The following CNTN5 variants were observed in gnomAD, a reference collection of about 807,000 sequenced individuals.
CNTN5 encodes the protein contactin 5.
A neutral mutation model predicts 129.1 loss-of-function variants in CNTN5; 77 were observed. That is an observed-to-expected ratio of 0.60 (90% CI 0.50 to 0.72). The LOEUF is 0.72. Among genes scored for constraint, CNTN5 ranks in the 30% least tolerant of loss-of-function variants. The probability of loss-of-function intolerance (pLI) is 0.00; values close to 1 mark genes in which losing one functional copy is unlikely to be tolerated. For missense variants in CNTN5, 1,478 were observed against 1,328.8 expected (o/e 1.11, Z -1.75); for synonymous variants, 509 against 465.6 (o/e 1.09, Z -1.20).
intron 7 of CNTN5, among the ~76,000 whole-genome samples, chr11:99,930,156 G>A (rs962075578): frequency 3.9e-5 from 6 of 152,110 alleles, no homozygotes; most frequent in Admixed American, 6.5e-5. Context: ...GGTTATCTGC[G>A]TGCTCTCTTA....
chr11:99,388,062 A>G lies in CNTN5; in HGVS notation c.-71+62578A>G, dbSNP rs141505285. Among the ~76,000 whole-genome samples the G allele has an allele frequency of 2.1e-3, 319 of 152,228 alleles. 5 individuals are homozygous for G. Among genetic ancestry groups the G allele is most frequent in the African/African-American group, 7.1e-3 (294 of 41,544 alleles). ...TTCTCCTACATATATTTGTCTAAATATTATAGCACTCTGCAGAGAAACTTT... is the reference window on the plus strand; with the variant it reads ...TTCTCCTACATATATTTGTCTAAATGTTATAGCACTCTGCAGAGAAACTTT... On this transcript the variant is annotated intron_variant, in intron 2 of 24. Coordinates refer to ENST00000524871, the MANE Select transcript of CNTN5 (RefSeq NM_014361.4).
At chr11:99,456,422 A>G (rs1944498154) in intron 2 of CNTN5, among the ~76,000 whole-genome samples, 1 of 152,126 alleles carries the variant, frequency 6.6e-6, no homozygotes, top group African/African-American at 2.4e-5. Flanking sequence ...GAAAAGTAAA[A>G]CACATTTTAA....
chr11:99,736,102 G>C lies in CNTN5; in HGVS notation c.56-83442G>C, dbSNP rs181375918. Among the ~76,000 whole-genome samples the C allele has an allele frequency of 1.2e-3, 180 of 151,526 alleles. 1 individual carries two copies. The East Asian group carries it at 0.013, about 11-fold the overall frequency. The stretch of plus-strand genomic sequence containing the variant: ...ATTTAAGTGCTGAAATTACGAGATT[G>C]GTAGATTTAAGATTTCTTTTGAGCG... On this transcript the variant is annotated intron_variant, in intron 3 of 24. Transcript: ENST00000524871.
intron 13 of CNTN5, among the ~76,000 whole-genome samples, chr11:100,080,097 T>C (rs193188217): frequency 2.7e-3 from 412 of 152,312 alleles, no homozygotes; most frequent in African/African-American, 9.6e-3. Context: ...TATAAACTGT[T>C]GTTGAACCTC....
Position 100,269,752 on chromosome 11 carries a change from A to C in CNTN5, c.2165-1340A>C, listed in dbSNP as rs374715379. On this transcript the variant is annotated intron_variant, in intron 17 of 24. Coordinates refer to ENST00000524871, the MANE Select transcript of CNTN5 (RefSeq NM_014361.4). ...AGAGGAAATTGGCAGAATTCTCAGGAGGTTAGAATAAAAGGGCTGAGCATG... is the reference window on the plus strand; with the variant it reads ...AGAGGAAATTGGCAGAATTCTCAGGCGGTTAGAATAAAAGGGCTGAGCATG... Among the ~76,000 whole-genome samples the C allele has an allele frequency of 8.3e-4, 126 of 152,184 alleles. 2 individuals are homozygous for C. Among genetic ancestry groups the C allele is most frequent in the African/African-American group, 2.8e-3 (115 of 41,514 alleles).
chr11:99,106,737 T>C (rs535774986), intron 1 of CNTN5, among the ~76,000 whole-genome samples: 40 of 152,072 alleles, frequency 2.6e-4, no homozygotes, highest in Non-Finnish European at 5.2e-4. Context: ...GCAACTAATA[T>C]CAGTATTACT....
intron 1 of CNTN5, among the ~76,000 whole-genome samples, chr11:99,239,345 T>C (rs972876152): frequency 3.9e-5 from 6 of 152,202 alleles, no homozygotes; most frequent in Non-Finnish European, 7.4e-5. Context: ...AGTGATAATA[T>C]GTGTATGCAA....
intron 13 of CNTN5, among the ~76,000 whole-genome samples, chr11:100,186,666 A>C (rs1948309756): frequency 6.6e-6 from 1 of 152,110 alleles, no homozygotes; most frequent in Non-Finnish European, 1.5e-5. Context: ...TTAAATTTCC[A>C]AAATCTCTCC....
chr11:99,886,977 A>G (rs59724068), intron 6 of CNTN5, among the ~76,000 whole-genome samples: 10,108 of 152,236 alleles, frequency 0.066, 641 homozygotes, highest in African/African-American at 0.16. Context: ...GGAAGAAACG[A>G]GAATACAAAA....
At chr11:100,300,745 T>C (rs1346108168) in intron 20 of CNTN5, among the ~76,000 whole-genome samples, 1 of 151,478 alleles carries the variant, frequency 6.6e-6, no homozygotes, top group Non-Finnish European at 1.5e-5. Flanking sequence ...ACCAGGGAAG[T>C]GAAAAATCAA....
intron 13 of CNTN5, among the ~76,000 whole-genome samples, chr11:100,188,052 A>G (rs1360478886): frequency 6.6e-6 from 1 of 152,202 alleles, no homozygotes; most frequent in Non-Finnish European, 1.5e-5. Context: ...CAAAGGTCTA[A>G]TATCCAGAAT....
At chr11:99,662,605 TGTA>T (rs1952636486) in intron 3 of CNTN5, among the ~76,000 whole-genome samples, 1 of 152,192 alleles carries the variant, frequency 6.6e-6, no homozygotes, top group African/African-American at 2.4e-5. Flanking sequence ...AAGAATCTGA[TGTA>T]ATAATGACAG....
At chr11:100,294,475 T>C (rs779412880) in intron 18 of CNTN5, among the ~76,000 whole-genome samples, 1 of 151,726 alleles carries the variant, frequency 6.6e-6, no homozygotes, top group Non-Finnish European at 1.5e-5. Context: ...CATTATCCAC[T>C]AATGGATGAG....
chr11:100,149,134 A>G, intron 13 of CNTN5, among the ~76,000 whole-genome samples: 1 of 152,200 alleles, frequency 6.6e-6, no homozygotes, highest in Non-Finnish European at 1.5e-5. Flanking sequence ...CTGGCTATGC[A>G]TTTGCATATT....
intron 2 of CNTN5, among the ~76,000 whole-genome samples, chr11:99,338,870 A>AAGAG (rs1866356369): frequency 7.0e-6 from 1 of 142,224 alleles, no homozygotes; most frequent in Admixed American, 7.0e-5. Context: ...CTAATTTTCT[A>AAGAG]AGAGTTTTGT....
chr11:99,643,410 G>A (rs564964670), intron 3 of CNTN5, among the ~76,000 whole-genome samples: 22 of 152,024 alleles, frequency 1.4e-4, no homozygotes, highest in Non-Finnish European at 3.1e-4. Context: ...ATTCTGTTTC[G>A]AGCATTTGTA....
At chr11:99,580,056 T>A (rs1949517649) in intron 3 of CNTN5, among the ~76,000 whole-genome samples, 2 of 152,218 alleles carry the variant, frequency 1.3e-5, no homozygotes, top group South Asian at 4.2e-4. Context: ...TTGAATTTTG[T>A]CAAAGGCCTT....
chr11:99,070,030 C>G (rs1410802486), intron 1 of CNTN5, among the ~76,000 whole-genome samples: 1 of 152,172 alleles, frequency 6.6e-6, no homozygotes, highest in Non-Finnish European at 1.5e-5. Flanking sequence ...TTTCTCTCTT[C>G]AGGCTGCCTC....
At chr11:99,036,577 T>C (rs1863745643) in intron 1 of CNTN5, among the ~76,000 whole-genome samples, 1 of 152,136 alleles carries the variant, frequency 6.6e-6, no homozygotes, top group South Asian at 2.1e-4. Flanking sequence ...ATGAATTTTA[T>C]ATGAGTGGAT....
Sources: gnomAD v4.1 joint callset for allele counts (sites outside exome capture counted in the v4.1 genomes callset) on GRCh38, gnomAD v4.1.1 for gene constraint, MANE v1.5 for transcripts, NCBI Gene and HGNC (gene_info 2026-07-23, HGNC 2026-07-21) for gene names.